The following CDIP1 variants were observed in gnomAD, a reference collection of about 807,000 sequenced individuals.
CDIP1 encodes cell death-inducing p53-target protein 1.
CDIP1 carries 9 observed loss-of-function variants against 17.7 expected under a neutral mutation model. The observed-to-expected ratio is 0.51, with a 90% CI of 0.31 to 0.89. The LOEUF is 0.89. CDIP1 is among the 40% of genes least tolerant of loss of function. The probability of loss-of-function intolerance (pLI) is 0.05; values close to 1 mark genes in which losing one functional copy is unlikely to be tolerated. For missense variants in CDIP1, 263 were observed against 277.9 expected, an observed-to-expected ratio of 0.95 and a Z score of 0.38; for synonymous variants, 117 against 109.5, an observed-to-expected ratio of 1.07 and a Z score of -0.43.
At chr16:4,526,099 T>C (rs2058997291) in intron 1 of CDIP1, among the ~76,000 whole-genome samples, 1 of 151,968 alleles carries the variant, frequency 6.6e-6, no homozygotes, top group African/African-American at 2.4e-5. Context: ...CCATGATGAG[T>C]CTCAGCGGAA....
chr16:4,512,977 C>T lies in CDIP1; in HGVS notation c.329G>A (p.Gly110Asp). 1 of 1,588,588 alleles carries T rather than the reference C, an allele frequency of 6.3e-7. No individual in the cohort carries two copies. The highest frequency in any genetic ancestry group is 2.3e-5 in the East Asian group (1 of 43,946). Reference sequence around the variant, plus strand: ...AGGGACCAGGACTGTGGCTGTGTGGCCCCCAGGGCCAGGGTAGGGCCCTGG... The same window carrying T: ...AGGGACCAGGACTGTGGCTGTGTGGTCCCCAGGGCCAGGGTAGGGCCCTGG... ...YTPGPYPGPG[G>D]HTATVLVPSG... Residue 110 changes from glycine to aspartate, a missense_variant, in exon 5 of 6, where the codon GGC becomes GAC. Coordinates refer to ENST00000567695, the MANE Select transcript of CDIP1 (RefSeq NM_013399.3). This position sits in a 1 kb window ranked among gnomAD's most constrained non-coding sequence, Gnocchi z 4.6.
chr16:4,537,330 T>G (rs1052569876), intron 1 of CDIP1, among the ~76,000 whole-genome samples: 26 of 152,220 alleles, frequency 1.7e-4, no homozygotes, highest in African/African-American at 6.0e-4. Flanking sequence ...TTTTCGTAAC[T>G]GAATGTGTAG....
At chr16:4,522,660 G>A (rs191226948) in intron 1 of CDIP1, 149 of 152,478 alleles carry the variant, frequency 9.8e-4, no homozygotes, top group Admixed American at 2.0e-3. Context: ...TCTGAAAAGA[G>A]AATGGCAAGG....
intron 1 of CDIP1, among the ~76,000 whole-genome samples, chr16:4,518,964 G>A (rs547219126): frequency 5.3e-5 from 8 of 152,284 alleles, no homozygotes; most frequent in East Asian, 1.9e-4. Context: ...GGAGACTTGC[G>A]GGGTCTGGGG....
chr16:4,527,594 A>G (rs935429919), intron 1 of CDIP1, among the ~76,000 whole-genome samples: 1 of 152,196 alleles, frequency 6.6e-6, no homozygotes, highest in Non-Finnish European at 1.5e-5. Flanking sequence ...AGCATAGTGG[A>G]TCAGTACAAC....
rs566808217 is a variant in CDIP1 at position 4,535,533 on chromosome 16, C to G, written c.-105+3169G>C. Among the ~76,000 whole-genome samples the G allele has an allele frequency of 1.5e-3, 227 of 152,370 alleles. 3 individuals are homozygous for G. The highest frequency in any genetic ancestry group is 5.2e-3 in the African/African-American group (217 of 41,596). On this transcript the variant is annotated intron_variant, in intron 1 of 5. Coordinates refer to ENST00000567695, the MANE Select transcript of CDIP1 (RefSeq NM_013399.3). ...ATCTCTTCAGCGCTAACAGCAGATG[C>G]AGGCCTTCCTGTGGCCTGGGTGATG...
At chr16:4,530,621 C>G (rs1042797397) in intron 1 of CDIP1, among the ~76,000 whole-genome samples, 1 of 150,886 alleles carries the variant, frequency 6.6e-6, no homozygotes, top group Admixed American at 6.6e-5. Context: ...TACACTCCAG[C>G]CTGGGCGACA....
At chr16:4,522,734 C>A (rs567453486) in intron 1 of CDIP1, among the ~76,000 whole-genome samples, 2 of 152,226 alleles carry the variant, frequency 1.3e-5, no homozygotes, top group South Asian at 4.1e-4. Flanking sequence ...CAGGAGCTCA[C>A]GTGGGCCTCA....
chr16:4,527,236 C>T (rs8046206), intron 1 of CDIP1, among the ~76,000 whole-genome samples: 11,238 of 151,902 alleles, frequency 0.074, 719 homozygotes, highest in African/African-American at 0.17. Context: ...TACAGGCGCC[C>T]GCCAACACGC....
At chr16:4,526,173 G>GAGGTGGGCGGATC (rs1184086576) in intron 1 of CDIP1, among the ~76,000 whole-genome samples, 1 of 151,972 alleles carries the variant, frequency 6.6e-6, no homozygotes, top group Non-Finnish European at 1.5e-5. Flanking sequence ...TTGGGAGGCA[G>GAGGTGGGCGGATC]AGGTGGGCGG....
intron 1 of CDIP1, among the ~76,000 whole-genome samples, chr16:4,526,825 G>A (rs1196258724): frequency 1.3e-5 from 2 of 152,144 alleles, no homozygotes; most frequent in African/African-American, 4.8e-5. Context: ...ACAGAAGCAT[G>A]AGCCCTGTGT....
rs542648153 is a variant in CDIP1 at position 4,530,632 on chromosome 16, G to A, written c.-105+8070C>T. 2.1e-5 allele frequency among the ~76,000 whole-genome samples: 3 copies of A among 142,718 alleles called. No homozygotes were observed. The South Asian group carries it at 7.0e-4, about 33-fold the overall frequency. The allele number at this position is 142,718 out of a possible 152,430, so 93.6% of individuals were successfully genotyped here. On this transcript the variant is annotated intron_variant, in intron 1 of 5. Transcript: ENST00000567695. The stretch of plus-strand genomic sequence containing the variant: ...CCAGTACACTCCAGCCTGGGCGACA[G>A]AGTGAGACTCCATCTCAAAAAAAAA...
At chr16:4,528,610 G>C (rs1280902191) in intron 1 of CDIP1, among the ~76,000 whole-genome samples, 1 of 149,988 alleles carries the variant, frequency 6.7e-6, no homozygotes, top group South Asian at 2.1e-4. Flanking sequence ...CAACCCAGGA[G>C]GTGGAGGCTG....
intron 1 of CDIP1, among the ~76,000 whole-genome samples, chr16:4,525,056 C>T (rs1278849108): frequency 6.6e-6 from 1 of 152,074 alleles, no homozygotes; most frequent in Non-Finnish European, 1.5e-5. Flanking sequence ...AGCTATGTCA[C>T]GCCAATGCAC....
intron 1 of CDIP1, among the ~76,000 whole-genome samples, chr16:4,530,213 T>C (rs10451135): frequency 0.54 from 82,763 of 152,172 alleles, 25,943 homozygotes; most frequent in Non-Finnish European, 0.7. Flanking sequence ...TATTTTACAC[T>C]ACATTAGATG....
At chr16:4,534,594 C>A (rs1050666305) in intron 1 of CDIP1, among the ~76,000 whole-genome samples, 2 of 152,240 alleles carry the variant, frequency 1.3e-5, no homozygotes, top group East Asian at 3.9e-4. Context: ...ACCTCCCTGG[C>A]TGACAGGTGA....
rs558181401 is a variant in CDIP1, at chr16:4,512,331, A to AC, written c.*240dup. 1,271 of 584,650 alleles carry AC rather than the reference A, an allele frequency of 2.2e-3. 6 individuals are homozygous for AC. The highest frequency in any genetic ancestry group is 3.4e-3 in the Non-Finnish European group (1,089 of 324,732). The allele number at this position is 584,650 out of a possible 1,614,324, so 36.2% of individuals were successfully genotyped here. ...CCGATCACACACACCAAGCAGACCA[A>AC]CAACACACAAGCTCATTGTCAGCCC... On this transcript the variant is annotated 3_prime_UTR_variant, in exon 6 of 6. Transcript: ENST00000567695. This position sits in a 1 kb window ranked among gnomAD's most constrained non-coding sequence, Gnocchi z 4.6.
At chr16:4,519,372 C>A (rs1004348021) in intron 1 of CDIP1, among the ~76,000 whole-genome samples, 3 of 152,218 alleles carry the variant, frequency 2.0e-5, no homozygotes, top group Non-Finnish European at 4.4e-5. Flanking sequence ...GTGTCAGATC[C>A]CACAGGTTGA....
In CDIP1 at chr16:4,510,894, T is replaced by C. The variant is rs1215948553; in HGVS notation, c.*1678A>G. The C allele has an allele frequency of 6.6e-6, 1 of 152,248 alleles. No homozygotes were observed. The highest frequency in any genetic ancestry group is 1.5e-5 in the Non-Finnish European group (1 of 68,050). 9.4% of individuals were successfully genotyped at this position (152,248 alleles called of 1,614,324 possible). On this transcript the variant is annotated 3_prime_UTR_variant, in exon 6 of 6. Coordinates refer to ENST00000567695, the MANE Select transcript of CDIP1 (RefSeq NM_013399.3). ...CCTGCGTGTGCAGACTGCGCTCTGT[T>C]AGTCTTCTGCCTGTCAGCCTCAGCC...
Sources: gnomAD v4.1 joint callset for allele counts (sites outside exome capture counted in the v4.1 genomes callset) on GRCh38, gnomAD v4.1.1 for gene constraint, Gnocchi (gnomAD v3.1) non-coding constraint, MANE v1.5 for transcripts, NCBI Gene and HGNC (gene_info 2026-07-23, HGNC 2026-07-21) for gene names.